The following CABIN1 variants were observed in gnomAD, a reference collection of about 807,000 sequenced individuals.
CABIN1 encodes calcineurin-binding protein cabin-1.
In CABIN1, 133 loss-of-function variants were observed where a neutral mutation model predicts 227.7. The observed-to-expected ratio is 0.58, with a 90% CI of 0.51 to 0.67. CABIN1 has a LOEUF of 0.67. Ranked by LOEUF, CABIN1 falls within the 30% of genes least tolerant of loss-of-function variation. The pLI is 0.00. For missense variants in CABIN1, 2,408 were observed against 2,852.5 expected, an observed-to-expected ratio of 0.84 and a Z score of 3.55; for synonymous variants, 1,086 against 1,155.1, an observed-to-expected ratio of 0.94 and a Z score of 1.21.
At chr22:24,082,792 A>G (rs2040892039) in intron 19 of CABIN1, among the ~76,000 whole-genome samples, 1 of 152,220 alleles carries the variant, frequency 6.6e-6, no homozygotes, top group South Asian at 2.1e-4. Context: ...TTATTTGTTT[A>G]TAGTTTAACT....
intron 1 of CABIN1, among the ~76,000 whole-genome samples, chr22:24,035,218 C>T (rs546061184): frequency 2.0e-5 from 3 of 152,308 alleles, no homozygotes; most frequent in Admixed American, 1.3e-4. Context: ...ATTGTTCTCA[C>T]TCTTTTGTGT....
At chr22:24,138,285 C>T (rs1475203384) in intron 29 of CABIN1, among the ~76,000 whole-genome samples, 1 of 152,222 alleles carries the variant, frequency 6.6e-6, no homozygotes, top group Admixed American at 6.5e-5. Context: ...GAGACAGCAT[C>T]GTGCTGTGTC....
At chr22:24,164,339 G>T (rs1244304963) in intron 29 of CABIN1, 61 bp from the exon 30 acceptor site, 1 of 1,591,486 alleles carries the variant, frequency 6.3e-7, no homozygotes, top group Non-Finnish European at 8.5e-7. Context: ...ACCAGACAGG[G>T]TGTCCCCGAG....
chr22:24,132,828 T>G (rs1301175176), intron 28 of CABIN1, among the ~76,000 whole-genome samples: 2 of 152,204 alleles, frequency 1.3e-5, no homozygotes, highest in Non-Finnish European at 2.9e-5. Context: ...TCTCAGGTGA[T>G]CCACCCACCT....
chr22:24,104,423 C>T (rs1256130661), intron 26 of CABIN1, among the ~76,000 whole-genome samples: 1 of 152,212 alleles, frequency 6.6e-6, no homozygotes, highest in Non-Finnish European at 1.5e-5. Flanking sequence ...CTCCGAGCAT[C>T]AGGCCCCTTC....
Position 24,090,656 on chromosome 22 carries a change from G to A in CABIN1, c.3526-927G>A, listed in dbSNP as rs540717970. 1.1e-4 allele frequency among the ~76,000 whole-genome samples: 17 copies of A among 152,106 alleles called. No homozygotes were observed. The South Asian group carries it at 2.3e-3, about 20-fold the overall frequency. On this transcript the variant is annotated intron_variant, in intron 23 of 36. Coordinates refer to ENST00000263119, the MANE Select transcript of CABIN1 (RefSeq NM_012295.4). Reference sequence around the variant, plus strand: ...CCCACTGGAGAGACATCCAAGGGCCGGCTCAACCTGGCTGGATGAGAACAT... The same window carrying A: ...CCCACTGGAGAGACATCCAAGGGCCAGCTCAACCTGGCTGGATGAGAACAT...
chr22:24,174,050 G>T (rs907536166), intron 34 of CABIN1, among the ~76,000 whole-genome samples: 1 of 148,954 alleles, frequency 6.7e-6, no homozygotes, highest in African/African-American at 2.5e-5. Flanking sequence ...TCCCCATGTT[G>T]GCCAAGCTGG....
intron 4 of CABIN1, 51 bp from the exon 5 acceptor site, chr22:24,041,088 T>C (rs1420591537): frequency 6.2e-7 from 1 of 1,613,250 alleles, no homozygotes; most frequent in Non-Finnish European, 8.5e-7. Flanking sequence ...TGCTGGCTGC[T>C]TGCTGAGGCT....
chr22:24,065,266 G>A (rs1461587887), intron 15 of CABIN1, among the ~76,000 whole-genome samples: 8 of 148,548 alleles, frequency 5.4e-5, no homozygotes, highest in Admixed American at 6.7e-5. Context: ...GCTGCCAGGC[G>A]GAGGGTCTCC....
At chr22:24,086,482 C>A (rs1237507270) in intron 22 of CABIN1, among the ~76,000 whole-genome samples, 2 of 152,270 alleles carry the variant, frequency 1.3e-5, no homozygotes, top group East Asian at 1.9e-4. Flanking sequence ...GGCCCCAGTG[C>A]CAGGAAAGCA....
intron 3 of CABIN1, 91 bp downstream of exon 3, chr22:24,036,272 G>T: frequency 1.1e-6 from 1 of 892,078 alleles, no homozygotes; most frequent in Non-Finnish European, 1.9e-6. Flanking sequence ...CTCCTCAGTG[G>T]GGCTTTAGGG....
chr22:24,172,301 C>T (rs977844897), intron 34 of CABIN1, among the ~76,000 whole-genome samples: 1 of 152,198 alleles, frequency 6.6e-6, no homozygotes, highest in Non-Finnish European at 1.5e-5. Context: ...GTTTCCTCCC[C>T]ACAAAGCCTT....
chr22:24,108,875 C>T (rs541254049), intron 26 of CABIN1, among the ~76,000 whole-genome samples: 22 of 152,198 alleles, frequency 1.4e-4, no homozygotes, highest in Non-Finnish European at 2.5e-4. Context: ...ACCCTCTGCT[C>T]ATTCAGACCT....
intron 1 of CABIN1, among the ~76,000 whole-genome samples, chr22:24,023,741 T>G (rs1479744502): frequency 6.6e-6 from 1 of 152,006 alleles, no homozygotes; most frequent in African/African-American, 2.4e-5. Context: ...TTACCTGTTT[T>G]TTTTTTTTTT....
chr22:24,106,684 TTCTG>T (rs2042538469), intron 26 of CABIN1, among the ~76,000 whole-genome samples: 2 of 152,208 alleles, frequency 1.3e-5, no homozygotes, highest in South Asian at 2.1e-4. Flanking sequence ...CTGTCTGTCT[TTCTG>T]TCTGTCTGTG....
At position 24,152,144 on chromosome 22, in the gene CABIN1, G is replaced by T. The variant is rs370952638; in HGVS notation, c.4747-12256G>T. On this transcript the variant is annotated intron_variant, in intron 29 of 36. Transcript: ENST00000263119. ...GGCACAGCTGTCCACTGAGATGGAG[G>T]CAGCCCCAGACTGAGGGACAGGGAT... 5.9e-4 allele frequency among the ~76,000 whole-genome samples: 90 copies of T among 152,372 alleles called. 1 individual carries two copies. The South Asian group carries it at 0.018, about 30-fold the overall frequency.
intron 25 of CABIN1, among the ~76,000 whole-genome samples, chr22:24,097,634 G>A (rs2041972283): frequency 6.6e-6 from 1 of 152,246 alleles, no homozygotes; most frequent in East Asian, 1.9e-4. Flanking sequence ...AAATGCAGAT[G>A]TGTTTCTGTC....
chr22:24,049,041 A>C, intron 6 of CABIN1, 50 bp from the exon 7 acceptor site: 2 of 1,608,798 alleles, frequency 1.2e-6, no homozygotes, highest in Non-Finnish European at 1.7e-6. Context: ...GCAAGGCCAG[A>C]GCTTCTGAGT....
At chr22:24,163,140 T>G (rs535439890) in intron 29 of CABIN1, among the ~76,000 whole-genome samples, 15 of 152,312 alleles carry the variant, frequency 9.8e-5, no homozygotes, top group African/African-American at 3.4e-4. Context: ...TTTCAGGCAC[T>G]GCCAGGAAGT....
Sources: allele counts gnomAD v4.1 joint callset (sites outside exome capture counted in the v4.1 genomes callset), GRCh38; gene constraint gnomAD v4.1.1; transcripts MANE v1.5; gene names NCBI Gene and HGNC (gene_info 2026-07-23, HGNC 2026-07-21).